The following AAGAB variants were observed in gnomAD, a reference collection of about 807,000 sequenced individuals.
The protein encoded by AAGAB is alpha- and gamma-adaptin-binding protein p34.
Under a neutral mutation model 44.1 loss-of-function variants are expected in AAGAB, and 38 were observed. The observed-to-expected ratio is 0.86, with a 90% CI of 0.67 to 1.13. The LOEUF (loss-of-function observed/expected upper bound fraction) is 1.13, where lower values mean the gene tolerates loss of function less well. Among genes scored for constraint, AAGAB ranks in the 50% most tolerant of loss-of-function variants. The pLI, the probability that AAGAB is intolerant of heterozygous loss-of-function variation, is 0.00. For synonymous variants in AAGAB, 131 were observed against 131.8 expected (o/e 0.99, Z 0.04); for missense variants, 450 against 373.8 (o/e 1.20, Z -1.68).
At chr15:67,238,449 G>A (rs1168430565) in intron 1 of AAGAB, among the ~76,000 whole-genome samples, 1 of 152,164 alleles carries the variant, frequency 6.6e-6, no homozygotes, top group Non-Finnish European at 1.5e-5. Flanking sequence ...TTGTTTTCAT[G>A]TAAATGTCTC....
chr15:67,227,954 AAAAG>A (rs1964243197), intron 5 of AAGAB, among the ~76,000 whole-genome samples: 1 of 152,244 alleles, frequency 6.6e-6, no homozygotes, highest in South Asian at 2.1e-4. Context: ...TCAAGAAAAA[AAAAG>A]AAAGCGAGGA....
chr15:67,224,794 TG>T (rs1964165658), intron 5 of AAGAB, among the ~76,000 whole-genome samples: 1 of 152,088 alleles, frequency 6.6e-6, no homozygotes, highest in Admixed American at 6.6e-5. Context: ...TTGGCCAGAC[TG>T]GTCTCAAACT....
intron 5 of AAGAB, chr15:67,220,915 C>T (rs1332572747): frequency 6.6e-6 from 1 of 152,182 alleles, no homozygotes; most frequent in Non-Finnish European, 1.5e-5. Context: ...TTACTGCCTG[C>T]TCTGTTCAGT....
At position 67,236,721 on chromosome 15, in the gene AAGAB, A is replaced by C. The variant is rs761091627; in HGVS notation, c.173T>G (p.Ile58Ser). The part of the protein sequence containing the change: ...TIDNKYYSAD[I>S]NLCVVPNKFL... ...TTTGTTTGGCACCACACATAGATTG[A>C]TGTCTGCTGAATAGTATTTATTATC... The change falls in exon 2 of 10, where the codon ATC (isoleucine) becomes AGC (serine). Residue 58 changes from isoleucine (I) to serine (S), a missense_variant. Coordinates refer to ENST00000261880, the MANE Select transcript of AAGAB (RefSeq NM_024666.5). 1 of 1,613,698 alleles carries C rather than the reference A, an allele frequency of 6.2e-7. No individual in the cohort carries two copies. Among genetic ancestry groups the C allele is most frequent in the Non-Finnish European group, 8.5e-7 (1 of 1,179,640 alleles).
At chr15:67,217,541 C>T (rs1963978552) in intron 5 of AAGAB, among the ~76,000 whole-genome samples, 1 of 152,028 alleles carries the variant, frequency 6.6e-6, no homozygotes, top group Non-Finnish European at 1.5e-5. Context: ...GTACACATTT[C>T]TTTTTTTATT....
chr15:67,203,483 A>G (rs1963613837), intron 9 of AAGAB, 65 bp downstream of exon 9: 2 of 1,343,534 alleles, frequency 1.5e-6, no homozygotes, highest in Non-Finnish European at 2.1e-6. Context: ...AGTGTGATAT[A>G]TAATTATAAT....
At position 67,202,290 on chromosome 15, in the gene AAGAB, G is replaced by C. The variant is rs1447875809; in HGVS notation, c.*531C>G. 1 of 153,326 alleles carries C rather than the reference G, an allele frequency of 6.5e-6. No homozygotes were observed. The highest frequency in any genetic ancestry group is 2.4e-5 in the African/African-American group (1 of 41,468). The allele number at this position is 153,326 out of a possible 1,614,324, so 9.5% of individuals were successfully genotyped here. On this transcript the variant is annotated 3_prime_UTR_variant, in exon 10 of 10. Transcript: ENST00000261880. ...GCCCAGAGGCATTTTCTTAGGTAGA[G>C]ACTTAGCTGCGGGCTGAGACTTCGG...
chr15:67,236,373 C>A (rs200664620), intron 3 of AAGAB, 35 bp downstream of exon 3: 2 of 1,571,942 alleles, frequency 1.3e-6, no homozygotes, highest in African/African-American at 1.4e-5. Context: ...ATGGCAAATG[C>A]ATGTACCAAC....
chr15:67,208,463 C>T (rs559278371), intron 7 of AAGAB, 99 bp downstream of exon 7: 26 of 1,050,656 alleles, frequency 2.5e-5, no homozygotes, highest in East Asian at 1.7e-4. Flanking sequence ...TTTTTCCCTT[C>T]TCTGTGTTTA....
intron 7 of AAGAB, 46 bp downstream of exon 7, chr15:67,208,516 C>T (rs1201673752): frequency 6.4e-7 from 1 of 1,552,150 alleles, no homozygotes; most frequent in East Asian, 2.2e-5. Context: ...GATACCTATT[C>T]CAAGTTGCAC....
intron 5 of AAGAB, chr15:67,221,311 G>A (rs905203776): frequency 5.9e-5 from 9 of 152,300 alleles, no homozygotes; most frequent in African/African-American, 2.2e-4. Flanking sequence ...ATGACACAAA[G>A]TAAAATACAT....
rs1042942346 is a variant in AAGAB, at chr15:67,231,992, G to A, written c.452-95C>T. On this transcript the variant is annotated intron_variant, in intron 4 of 9. Transcript: ENST00000261880. ...AATGTGGCCAGGCACGGTGGCTCAT[G>A]CCTGTAATCCCAGCACTTTGGGAGG... The A allele has an allele frequency of 5.9e-6, 6 of 1,014,768 alleles. 1 individual carries two copies. In the African/African-American group the frequency reaches 8.0e-5, roughly 14 times the overall value. The allele number at this position is 1,014,768 out of a possible 1,614,324, so 62.9% of individuals were successfully genotyped here. A position where few individuals can be genotyped will look rare whatever the true frequency, so the allele number is the denominator to read the frequency against.
rs190305945 is a variant in AAGAB, at chr15:67,253,383, A to T, written c.73+1176T>A. ...GCAGAGGTTGCAGTGAGCCGAGATAACGCCACTGCACTACAGCCTGGGCAG... is the reference window on the plus strand; with the variant it reads ...GCAGAGGTTGCAGTGAGCCGAGATATCGCCACTGCACTACAGCCTGGGCAG... On this transcript the variant is annotated intron_variant, in intron 1 of 9. Coordinates refer to ENST00000261880, the MANE Select transcript of AAGAB (RefSeq NM_024666.5). Among the ~76,000 whole-genome samples the T allele has an allele frequency of 9.6e-3, 1,450 of 151,586 alleles. 21 individuals carry two copies. The highest frequency in any genetic ancestry group is 0.031 in the Middle Eastern group (9 of 288).
At chr15:67,207,308 G>A (rs1343459001) in intron 7 of AAGAB, among the ~76,000 whole-genome samples, 2 of 152,182 alleles carry the variant, frequency 1.3e-5, no homozygotes, top group Non-Finnish European at 2.9e-5. Flanking sequence ...TCAGTGGACA[G>A]AACTAGGAAA....
chr15:67,234,550 T>C (rs2140377445), intron 4 of AAGAB, among the ~76,000 whole-genome samples: 1 of 152,238 alleles, frequency 6.6e-6, no homozygotes, highest in East Asian at 1.9e-4. Context: ...AGGAATAATT[T>C]GTATTTTAAA....
rs556663683 is a variant in AAGAB at position 67,254,596 on chromosome 15, G to C, written c.36C>G (p.Ser12Arg). 4 of 1,609,620 alleles carry C rather than the reference G, an allele frequency of 2.5e-6. No homozygotes were observed. Among genetic ancestry groups the C allele is most frequent in the Middle Eastern group, 2.1e-4 (1 of 4,854 alleles). The part of the protein sequence containing the change: ...AAGVPCALVT[S>R]CSSVFSGDQL... ...GGTCTCCTGAGAAGACGGAGGAGCAGCTGGTGACTAACGCACAGGGTACGC... is the reference window on the plus strand; with the variant it reads ...GGTCTCCTGAGAAGACGGAGGAGCACCTGGTGACTAACGCACAGGGTACGC... Residue 12 changes from serine to arginine, a missense_variant, in exon 1 of 10, where the codon AGC becomes AGG. Physicochemically the swap from Ser to Arg is moderately radical, Grantham distance 110. Transcript: ENST00000261880.
At chr15:67,203,513 T>C (rs770736287) in intron 9 of AAGAB, 35 bp downstream of exon 9, 1 of 1,576,098 alleles carries the variant, frequency 6.3e-7, no homozygotes, top group Non-Finnish European at 8.7e-7. Context: ...GGACCTTTTA[T>C]AGGTATTCAA....
intron 5 of AAGAB, among the ~76,000 whole-genome samples, chr15:67,231,347 G>A (rs1245600086): frequency 1.3e-5 from 2 of 152,158 alleles, no homozygotes; most frequent in African/African-American, 4.8e-5. Flanking sequence ...GAAAACTACT[G>A]TCAGGACACA....
chr15:67,231,448 T>C (rs1964332655), intron 5 of AAGAB, among the ~76,000 whole-genome samples: 1 of 152,220 alleles, frequency 6.6e-6, no homozygotes, highest in Non-Finnish European at 1.5e-5. Context: ...ATCAGTCATC[T>C]GTACTCATCA....
Sources: gnomAD v4.1 joint callset for allele counts (sites outside exome capture counted in the v4.1 genomes callset) on GRCh38, gnomAD v4.1.1 for gene constraint, MANE v1.5 for transcripts, NCBI Gene and HGNC (gene_info 2026-07-23, HGNC 2026-07-21) for gene names.